Variants in DAP observed in about 807,000 individuals in gnomAD.
DAP encodes the protein death associated protein.
DAP carries 8 observed loss-of-function variants against 13.8 expected under a neutral mutation model. That is an observed-to-expected ratio of 0.58 (90% CI 0.34 to 1.05). The LOEUF is 1.05. Ranked by LOEUF, DAP falls within the 50% of genes least tolerant of loss-of-function variation. DAP has a pLI of 0.03. For synonymous variants in DAP, 47 were observed against 47.5 expected (o/e 0.99, Z 0.04); for missense variants, 106 against 133.2 (o/e 0.80, Z 1.01).
intron 2 of DAP, among the ~76,000 whole-genome samples, chr5:10,706,030 C>T (rs1212646864): frequency 6.6e-6 from 1 of 152,204 alleles, no homozygotes; most frequent in Non-Finnish European, 1.5e-5. Context: ...CTGCAGAGAG[C>T]TTAGCTCACA....
chr5:10,705,376 A>G (rs1177242654), intron 2 of DAP, among the ~76,000 whole-genome samples: 1 of 152,230 alleles, frequency 6.6e-6, no homozygotes, highest in East Asian at 1.9e-4. Context: ...TGGGAGGCCC[A>G]GGCTAGGGAA....
intron 2 of DAP, among the ~76,000 whole-genome samples, chr5:10,694,582 C>CT (rs1738388350): frequency 6.6e-6 from 1 of 152,192 alleles, no homozygotes; most frequent in South Asian, 2.1e-4. Flanking sequence ...ATCAAACCCT[C>CT]TGTCAGTGCA....
chr5:10,743,281 A>C (rs1228909061), intron 2 of DAP, among the ~76,000 whole-genome samples: 5 of 152,190 alleles, frequency 3.3e-5, no homozygotes, highest in Non-Finnish European at 7.3e-5. Context: ...TATATCAAGC[A>C]ATTGCATTTC....
In DAP at chr5:10,679,972, C is replaced by T. The variant is rs1325374636; in HGVS notation, c.*1084G>A. On this transcript the variant is annotated 3_prime_UTR_variant, in exon 4 of 4. Coordinates refer to ENST00000230895, the MANE Select transcript of DAP (RefSeq NM_004394.3). ...TCGAGGACGCAGGGTACCCTACTGC[C>T]ACCAGCCAGTGAGCAGACTAGGACA... is the stretch of plus-strand genomic sequence containing the variant. 6.6e-6 allele frequency: 1 copy of T among 152,404 alleles called. No individual in the cohort carries two copies. The highest frequency in any genetic ancestry group is 1.5e-5 in the Non-Finnish European group (1 of 68,074). 9.4% of individuals were successfully genotyped at this position (152,404 alleles called of 1,614,324 possible). A position where few individuals can be genotyped will look rare whatever the true frequency, so the allele number is the denominator to read the frequency against.
At chr5:10,730,939 A>G (rs1408386716) in intron 2 of DAP, among the ~76,000 whole-genome samples, 17 of 30,742 alleles carry the variant, frequency 5.5e-4, no homozygotes, top group African/African-American at 7.7e-4. Context: ...AGCCCTAGTG[A>G]GGGGGAATCT....
At chr5:10,700,845 T>C (rs763651789) in intron 2 of DAP, among the ~76,000 whole-genome samples, 1 of 152,222 alleles carries the variant, frequency 6.6e-6, no homozygotes, top group Non-Finnish European at 1.5e-5. Context: ...TCACGTGCTA[T>C]AGGTAAGATG....
chr5:10,759,310 G>C (rs1561039456), intron 1 of DAP, among the ~76,000 whole-genome samples: 1 of 152,206 alleles, frequency 6.6e-6, no homozygotes, highest in African/African-American at 2.4e-5. Context: ...TGGAGGGCCA[G>C]AGCAGGTGGC....
chr5:10,749,611 T>C (rs1324263286), intron 1 of DAP, among the ~76,000 whole-genome samples: 2 of 152,190 alleles, frequency 1.3e-5, no homozygotes, highest in Non-Finnish European at 2.9e-5. Context: ...GAGTGGGAAA[T>C]GCCAGGTTGA....
chr5:10,721,266 C>T (rs180706563), intron 2 of DAP, among the ~76,000 whole-genome samples: 2 of 152,288 alleles, frequency 1.3e-5, no homozygotes, highest in East Asian at 3.9e-4. Flanking sequence ...TCACCATCAC[C>T]CCTAATGATC....
At chr5:10,703,893 C>A (rs575807470) in intron 2 of DAP, among the ~76,000 whole-genome samples, 8 of 152,366 alleles carry the variant, frequency 5.3e-5, no homozygotes, top group African/African-American at 1.7e-4. Context: ...GGGGGCCAGG[C>A]ACTGGCTTGT....
rs368921671 is a variant in DAP at position 10,684,716 on chromosome 5, T to C, written c.153-1145A>G. Among the ~76,000 whole-genome samples, 12 of 152,368 alleles carry C rather than the reference T, an allele frequency of 7.9e-5. No individual in the cohort carries two copies. In the East Asian group the frequency reaches 1.9e-3, roughly 24 times the overall value. The stretch of plus-strand genomic sequence containing the variant: ...AATTATATACTCTTCTGTACACTTA[T>C]TTTTTATGGCTACGTGTGCCATAAT... On this transcript the variant is annotated intron_variant, in intron 2 of 3. Transcript: ENST00000230895.
chr5:10,761,122 C>A lies in DAP; in HGVS notation c.-54G>T. The stretch of plus-strand genomic sequence containing the variant: ...GCGGCGGCGCGGTTCTCGGGCCGGG[C>A]GGGCGTGCGCGAGTGAGCTCAGGTG... On this transcript the variant is annotated 5_prime_UTR_variant, in exon 1 of 4. Coordinates refer to ENST00000230895, the MANE Select transcript of DAP (RefSeq NM_004394.3). 9.3e-7 allele frequency: 1 copy of A among 1,071,986 alleles called. No homozygotes were observed. Among genetic ancestry groups the A allele is most frequent in the Non-Finnish European group, 1.2e-6 (1 of 848,694 alleles). The allele number at this position is 1,071,986 out of a possible 1,614,324, so 66.4% of individuals were successfully genotyped here. A position where few individuals can be genotyped will look rare whatever the true frequency, so the allele number is the denominator to read the frequency against.
intron 1 of DAP, among the ~76,000 whole-genome samples, chr5:10,754,216 G>A (rs1740120081): frequency 6.6e-6 from 1 of 152,232 alleles, no homozygotes; most frequent in East Asian, 1.9e-4. Context: ...AACGTATGCA[G>A]AGAGTGGGTA....
At chr5:10,704,052 C>T (rs1384093419) in intron 2 of DAP, among the ~76,000 whole-genome samples, 1 of 152,254 alleles carries the variant, frequency 6.6e-6, no homozygotes, top group African/African-American at 2.4e-5. Flanking sequence ...ACCAGCCAGC[C>T]TGGTGACCTT....
intron 2 of DAP, among the ~76,000 whole-genome samples, chr5:10,694,432 A>T (rs1738384619): frequency 6.6e-6 from 1 of 152,138 alleles, no homozygotes; most frequent in Non-Finnish European, 1.5e-5. Flanking sequence ...AGCAGAAAGC[A>T]ACAGATTCTA....
chr5:10,754,048 C>T (rs986779619), intron 1 of DAP, among the ~76,000 whole-genome samples: 1 of 152,136 alleles, frequency 6.6e-6, no homozygotes, highest in Non-Finnish European at 1.5e-5. Flanking sequence ...CCAATGCGAA[C>T]AGGGCAAGGG....
intron 2 of DAP, among the ~76,000 whole-genome samples, chr5:10,698,257 G>A (rs1738479980): frequency 9.0e-6 from 1 of 110,992 alleles, no homozygotes; most frequent in Admixed American, 1.4e-4. Context: ...ATCATACCAA[G>A]CACTTGGGCC....
intron 1 of DAP, among the ~76,000 whole-genome samples, chr5:10,759,376 C>A (rs1390146607): frequency 1.3e-5 from 2 of 152,112 alleles, no homozygotes; most frequent in African/African-American, 2.4e-5. Flanking sequence ...CGCTCCTCCC[C>A]ACAGTGGACA....
chr5:10,754,046 A>T (rs1342531004), intron 1 of DAP, among the ~76,000 whole-genome samples: 1 of 152,190 alleles, frequency 6.6e-6, no homozygotes, highest in Non-Finnish European at 1.5e-5. Flanking sequence ...TCCCAATGCG[A>T]ACAGGGCAAG....
Sources: gnomAD v4.1 joint callset for allele counts (sites outside exome capture counted in the v4.1 genomes callset) on GRCh38, gnomAD v4.1.1 for gene constraint, MANE v1.5 for transcripts, NCBI Gene and HGNC (gene_info 2026-07-23, HGNC 2026-07-21) for gene names.